Variants in PLCH2 observed in about 807,000 individuals in gnomAD.
The protein encoded by PLCH2 is 1-phosphatidylinositol 4,5-bisphosphate phosphodiesterase eta-2.
In PLCH2, 98 loss-of-function variants were observed where a neutral mutation model predicts 134.7. The observed-to-expected ratio is 0.73, with a 90% confidence interval of 0.62 to 0.86. The LOEUF is 0.86. Ranked by LOEUF, PLCH2 falls within the 40% of genes least tolerant of loss-of-function variation. The probability of loss-of-function intolerance (pLI) is 0.00; values close to 1 mark genes in which losing one functional copy is unlikely to be tolerated. For synonymous variants in PLCH2, 974 were observed against 827.5 expected, an observed-to-expected ratio of 1.18 and a Z score of -3.04; for missense variants, 1,994 against 1,986.6, an observed-to-expected ratio of 1.00 and a Z score of -0.07.
At position 2,448,770 on chromosome 1, in the gene PLCH2, C is replaced by T. The variant is rs533514270; in HGVS notation, c.115+18141C>T. Among the ~76,000 whole-genome samples, 1 of 152,078 alleles carries T rather than the reference C, an allele frequency of 6.6e-6. No individual in the cohort carries two copies. Among genetic ancestry groups the T allele is most frequent in the Non-Finnish European group, 1.5e-5 (1 of 67,994 alleles). ...CTCCTGGCTCCCCACCATCCAGTCT[C>T]TCCCTGGGTGGGGTCCTGGCTCCAC... On this transcript the variant is annotated intron_variant, in intron 2 of 3. Transcript: ENST00000609981. This position sits in a 1 kb window ranked among gnomAD's most constrained non-coding sequence, Gnocchi z 4.0.
At chr1:2,503,780 G>C in intron 21 of PLCH2, 142 bp from the exon 22 acceptor site, 1 of 615,010 alleles carries the variant, frequency 1.6e-6, no homozygotes, top group Non-Finnish European at 2.9e-6. Flanking sequence ...ATGCCTCGGG[G>C]TGGGAGCTGG....
exon 1 of PLCH2, chr1:2,467,641 G>A: frequency 2.4e-6 from 1 of 412,154 alleles, no homozygotes; most frequent in Non-Finnish European, 4.3e-6. Context: ...TGGGCCCCCA[G>A]GTGGGCTCAG....
At chr1:2,465,698 G>A (rs573559861), upstream of PLCH2, among the ~76,000 whole-genome samples, 4 of 152,334 alleles carry the variant, frequency 2.6e-5, no homozygotes, top group Admixed American at 1.3e-4. Flanking sequence ...CATGTGCAGC[G>A]GGCGGCTTTT....
intron 2 of PLCH2, among the ~76,000 whole-genome samples, chr1:2,459,426 C>CCTCCTTCCT (rs1557969496): frequency 0.025 from 658 of 26,186 alleles, 150 homozygotes; most frequent in South Asian, 0.039. Flanking sequence ...TCCTCCTTGC[C>CCTCCTTCCT]GGTGGTCCTC....
chr1:2,432,090 G>A (rs922645654), intron 2 of PLCH2, among the ~76,000 whole-genome samples: 2 of 152,184 alleles, frequency 1.3e-5, no homozygotes, highest in African/African-American at 4.8e-5. Flanking sequence ...TTTACCAGGC[G>A]TCAGCTTCGT....
intron 2 of PLCH2, among the ~76,000 whole-genome samples, chr1:2,452,166 C>T (rs976755555): frequency 6.6e-6 from 1 of 152,058 alleles, no homozygotes; most frequent in African/African-American, 2.4e-5. Context: ...CCGCCGTGTG[C>T]AGCCAGGTGT....
At chr1:2,449,415 C>T (rs1468815261) in intron 2 of PLCH2, among the ~76,000 whole-genome samples, 4 of 152,194 alleles carry the variant, frequency 2.6e-5, no homozygotes, top group African/African-American at 9.7e-5. Context: ...TCGCTTGAAC[C>T]TGGGAGGTGG....
chr1:2,437,832 A>G (rs904505670), intron 2 of PLCH2, among the ~76,000 whole-genome samples: 3 of 152,140 alleles, frequency 2.0e-5, no homozygotes, highest in Non-Finnish European at 4.4e-5. Flanking sequence ...GTTCACATGC[A>G]CCCAAACCAC....
At chr1:2,416,951 C>T in the PLCH2 span, among the ~76,000 whole-genome samples, 1 of 152,016 alleles carries the variant, frequency 6.6e-6, no homozygotes, top group Non-Finnish European at 1.5e-5. Flanking sequence ...CTCTGGGGCT[C>T]TGGGCTGCTC....
intron 15 of PLCH2, 52 bp from the exon 16 acceptor site, chr1:2,497,450 C>T: frequency 1.5e-6 from 2 of 1,318,668 alleles, no homozygotes; most frequent in East Asian, 2.5e-5. Flanking sequence ...GGGCGGGGCA[C>T]ACACCTGGAA....
rs1640043894 is a variant in PLCH2 at position 2,448,463 on chromosome 1, C to T, written c.115+17834C>T. Among the ~76,000 whole-genome samples the T allele has an allele frequency of 6.6e-6, 1 of 152,212 alleles. No homozygotes were observed. Among genetic ancestry groups the T allele is most frequent in the African/African-American group, 2.4e-5 (1 of 41,444 alleles). ...TCTTGCGCCTCGAGTCTCCTTTGTC[C>T]TGTAGGATCTGGGGCCTGCCTGGGT... On this transcript the variant is annotated intron_variant, in intron 2 of 3. Coordinates refer to the PLCH2 transcript ENST00000609981. This position sits in a 1 kb window ranked among gnomAD's most constrained non-coding sequence, Gnocchi z 4.0.
rs774766432 is a variant in PLCH2, at chr1:2,496,897, C to T, written c.2003C>T (p.Ala668Val). 1.7e-5 allele frequency: 27 copies of T among 1,612,936 alleles called. No individual in the cohort carries two copies. The African/African-American group carries it at 1.7e-4, about 10-fold the overall frequency. ...KAHQILQQKP[A>V]QYLRFNQQQL... ...CACCAGATTCTGCAGCAGAAGCCGG[C>T]GCAGTACCTACGCTTCAACCAGCAG... is the stretch of plus-strand genomic sequence containing the variant. Residue 668 changes from alanine to valine, a missense_variant, in exon 15 of 22, where the codon GCG (alanine) becomes GTG (valine). Ala to Val is a moderately conservative substitution (Grantham distance 64, BLOSUM62 0). Coordinates refer to ENST00000378486, the MANE Select transcript of PLCH2 (RefSeq NM_014638.4).
chr1:2,483,489 G>A (rs4995304), intron 4 of PLCH2, among the ~76,000 whole-genome samples: 86,963 of 151,980 alleles, frequency 0.57, 25,280 homozygotes, highest in East Asian at 0.78. Flanking sequence ...GCGTCCCTTT[G>A]GGCCTGGTGT....
rs781343610 is a variant in PLCH2, at chr1:2,504,663, G to C, written c.3701G>C (p.Arg1234Pro). The C allele has an allele frequency of 3.1e-6, 5 of 1,612,368 alleles. No homozygotes were observed. Among genetic ancestry groups the C allele is most frequent in the Non-Finnish European group, 4.2e-6 (5 of 1,179,740 alleles). The change falls in exon 22 of 22, where the codon CGG becomes CCG. Residue 1234 changes from arginine (R) to proline (P), a missense_variant. Physicochemically the swap from Arg to Pro is moderately radical, Grantham distance 103. Coordinates refer to ENST00000378486, the MANE Select transcript of PLCH2 (RefSeq NM_014638.4). The stretch of plus-strand genomic sequence containing the variant: ...CCAAGGATGGCTGGCCTCCCCTTCC[G>C]GCCTCCCTGGGGCTGCCTTTCCCTG... ...LAPRMAGLPF[R>P]PPWGCLSLVG...
At chr1:2,464,680 G>T (rs746918997), upstream of PLCH2, among the ~76,000 whole-genome samples, 1 of 152,218 alleles carries the variant, frequency 6.6e-6, no homozygotes, top group Non-Finnish European at 1.5e-5. Context: ...CCTGGGCTCT[G>T]TCCGGACTCA....
At chr1:2,459,536 C>T (rs71511346) in intron 2 of PLCH2, among the ~76,000 whole-genome samples, 6 of 77,218 alleles carry the variant, frequency 7.8e-5, no homozygotes, top group African/African-American at 3.7e-4. Flanking sequence ...GGTCCTCCTT[C>T]CTGGTGGTCC....
Position 2,498,658 on chromosome 1 carries a change from G to C in PLCH2, c.2349+11G>C. Reference sequence around the variant, plus strand: ...GGGGACCGTGGGGAGGTGGGGGCCAGCCCCACACAGGCGGGAGGGGTGGGA... The same window carrying C: ...GGGGACCGTGGGGAGGTGGGGGCCACCCCCACACAGGCGGGAGGGGTGGGA... On this transcript the variant is annotated intron_variant, in intron 17 of 21. Transcript: ENST00000378486. This position sits in a 1 kb window ranked among gnomAD's most constrained non-coding sequence, Gnocchi z 5.4. The C allele has an allele frequency of 1.5e-6, 1 of 667,490 alleles. No homozygotes were observed. The highest frequency in any genetic ancestry group is 2.3e-6 in the Non-Finnish European group (1 of 439,010). The allele number at this position is 667,490 out of a possible 1,614,324, so 41.3% of individuals were successfully genotyped here. A position where few individuals can be genotyped will look rare whatever the true frequency, so the allele number is the denominator to read the frequency against.
chr1:2,499,866 C>T lies in PLCH2; in HGVS notation c.2661+146C>T, dbSNP rs1205991657. On this transcript the variant is annotated intron_variant, in intron 20 of 21. Coordinates refer to ENST00000378486, the MANE Select transcript of PLCH2 (RefSeq NM_014638.4). ...CCTCCCCGGGCCTCTGCTCCTCTAT[C>T]TCAAGAGGGGCTGCTGTGGGGGCCT... 1.8e-5 allele frequency: 12 copies of T among 672,878 alleles called. No homozygotes were observed. The Admixed American group carries it at 2.6e-4, about 14-fold the overall frequency. 41.7% of individuals were successfully genotyped at this position (672,878 alleles called of 1,614,324 possible). A position where few individuals can be genotyped will look rare whatever the true frequency, so the allele number is the denominator to read the frequency against.
chr1:2,426,208 G>GA (rs1638791039), intron 1 of PLCH2, among the ~76,000 whole-genome samples: 1 of 152,206 alleles, frequency 6.6e-6, no homozygotes, highest in East Asian at 1.9e-4. Context: ...GCGGGGAAGG[G>GA]ACACCTCCTT....
Sources: allele counts gnomAD v4.1 joint callset (sites outside exome capture counted in the v4.1 genomes callset), GRCh38; gene constraint gnomAD v4.1.1; non-coding constraint Gnocchi (gnomAD v3.1); transcripts MANE v1.5; gene names NCBI Gene and HGNC (gene_info 2026-07-23, HGNC 2026-07-21).